NLK: variants seen among roughly 807,000 people sequenced by gnomAD.
NLK encodes the protein serine/threonine-protein kinase NLK.
In NLK, 11 loss-of-function variants were observed where a neutral mutation model predicts 59.0. The ratio of observed to expected loss-of-function variants is 0.19; its 90% CI spans 0.12 to 0.31. The LOEUF is 0.31. Ranked by LOEUF, NLK falls within the 10% of genes least tolerant of loss-of-function variation. The probability of loss-of-function intolerance (pLI) is 1.00; values close to 1 mark genes in which losing one functional copy is unlikely to be tolerated. For missense variants in NLK, 410 were observed against 661.1 expected (o/e 0.62, Z 4.16); for synonymous variants, 235 against 235.9 (o/e 1.00, Z 0.03).
intron 1 of NLK, among the ~76,000 whole-genome samples, chr17:28,093,054 A>T (rs1001377952): frequency 6.6e-6 from 1 of 152,006 alleles, no homozygotes; most frequent in African/African-American, 2.4e-5. Flanking sequence ...TGGCCCCCCA[A>T]AGTGCTGGGA....
In NLK at chr17:28,185,294, T is replaced by A. The variant is rs1356164125; in HGVS notation, c.1236+29T>A. ...AGTAGTGTTTTTTTTTATATATTTT[T>A]AATGAATTACAAATACATGTGTTCG... On this transcript the variant is annotated intron_variant, in intron 8 of 10. Coordinates refer to ENST00000407008, the MANE Select transcript of NLK (RefSeq NM_016231.5). 4.5e-6 allele frequency: 6 copies of A among 1,328,896 alleles called. No homozygotes were observed. In the East Asian group the frequency reaches 1.5e-4, roughly 33 times the overall value. 82.3% of individuals were successfully genotyped at this position (1,328,896 alleles called of 1,614,324 possible).
intron 1 of NLK, among the ~76,000 whole-genome samples, chr17:28,095,505 A>G (rs1904669520): frequency 6.6e-6 from 1 of 152,208 alleles, no homozygotes; most frequent in Non-Finnish European, 1.5e-5. Context: ...TCTCTATCCA[A>G]GTCTCACTTC....
At chr17:28,131,670 A>C (rs1301740289) in intron 2 of NLK, among the ~76,000 whole-genome samples, 3 of 151,452 alleles carry the variant, frequency 2.0e-5, no homozygotes, top group Non-Finnish European at 4.4e-5. Context: ...TTTCCTGTTA[A>C]GTAGTTTCTT....
At chr17:28,093,194 G>A (rs907588946) in intron 1 of NLK, among the ~76,000 whole-genome samples, 1 of 151,990 alleles carries the variant, frequency 6.6e-6, no homozygotes. Flanking sequence ...AGGGAGGAGG[G>A]GATATGCATT....
intron 4 of NLK, among the ~76,000 whole-genome samples, chr17:28,161,616 A>C (rs147418648): frequency 2.9e-4 from 44 of 152,318 alleles, no homozygotes; most frequent in African/African-American, 1.1e-3. Flanking sequence ...TAAAGTGAAA[A>C]GTGACTATAT....
At position 28,168,785 on chromosome 17, in the gene NLK, T is replaced by G. The variant is rs375399736; in HGVS notation, c.1047+128T>G. 1.6e-4 allele frequency: 104 copies of G among 666,716 alleles called. 1 individual carries two copies. The African/African-American group carries it at 1.7e-3, about 11-fold the overall frequency. 41.3% of individuals were successfully genotyped at this position (666,716 alleles called of 1,614,324 possible). A position where few individuals can be genotyped will look rare whatever the true frequency, so the allele number is the denominator to read the frequency against. On this transcript the variant is annotated intron_variant, in intron 6 of 10. Coordinates refer to ENST00000407008, the MANE Select transcript of NLK (RefSeq NM_016231.5). ...TGCTTTTAGGAAATTCAGGTTCACT[T>G]AAAATTCAGAAAGTTATAAAGTTGA... is the stretch of plus-strand genomic sequence containing the variant.
chr17:28,130,930 A>G (rs1189023885), intron 2 of NLK, among the ~76,000 whole-genome samples: 2 of 152,100 alleles, frequency 1.3e-5, no homozygotes, highest in Admixed American at 6.6e-5. Flanking sequence ...GAAAAAAATT[A>G]CTCTTCAAAG....
chr17:28,182,079 A>G (rs191536249), intron 7 of NLK, among the ~76,000 whole-genome samples: 14 of 152,232 alleles, frequency 9.2e-5, no homozygotes, highest in Non-Finnish European at 1.8e-4. Flanking sequence ...AGATGGTCCA[A>G]CCCCCTCATT....
chr17:28,169,810 G>A (rs1400461580), intron 6 of NLK, among the ~76,000 whole-genome samples: 2 of 149,850 alleles, frequency 1.3e-5, no homozygotes, highest in Non-Finnish European at 2.9e-5. Context: ...CTGGCACATA[G>A]TAAGCACTCT....
chr17:28,171,346 A>G (rs1908456793), intron 6 of NLK: 2 of 152,222 alleles, frequency 1.3e-5, no homozygotes, highest in African/African-American at 4.8e-5. Flanking sequence ...TCTCTAGGTA[A>G]GAATTTCCCA....
At chr17:28,151,710 C>T (rs1907487004) in intron 3 of NLK, among the ~76,000 whole-genome samples, 1 of 152,124 alleles carries the variant, frequency 6.6e-6, no homozygotes, top group Non-Finnish European at 1.5e-5. Context: ...TATTTTTTAA[C>T]CCAACCTGTC....
chr17:28,063,564 G>GAT (rs1909736391), intron 1 of NLK, among the ~76,000 whole-genome samples: 1 of 152,034 alleles, frequency 6.6e-6, no homozygotes, highest in Non-Finnish European at 1.5e-5. Context: ...TTTACCATCT[G>GAT]ATAGTTCTTT....
Position 28,061,855 on chromosome 17 carries a change from A to AC in NLK, c.458+18524_458+18525insC, listed in dbSNP as rs1421199175. The AC allele has an allele frequency of 1.9e-3, 280 of 144,222 alleles. 2 individuals are homozygous for AC. The highest frequency in any genetic ancestry group is 6.5e-3 in the African/African-American group (253 of 39,004). 8.9% of individuals were successfully genotyped at this position (144,222 alleles called of 1,614,324 possible). A position where few individuals can be genotyped will look rare whatever the true frequency, so the allele number is the denominator to read the frequency against. On this transcript the variant is annotated intron_variant, in intron 1 of 10. Coordinates refer to ENST00000407008, the MANE Select transcript of NLK (RefSeq NM_016231.5). Reference sequence around the variant, plus strand: ...ATACATATACATATATATAATATATAATATATACATATACATATATATAAT... The same window carrying AC: ...ATACATATACATATATATAATATATACATATATACATATACATATATATAAT...
intron 3 of NLK, among the ~76,000 whole-genome samples, chr17:28,142,368 A>G (rs1449219031): frequency 5.9e-5 from 9 of 152,208 alleles, no homozygotes. Context: ...TTTTAACAAC[A>G]TGACCTTTTA....
At chr17:28,149,695 A>G (rs1597710888) in intron 3 of NLK, among the ~76,000 whole-genome samples, 1 of 152,352 alleles carries the variant, frequency 6.6e-6, no homozygotes, top group East Asian at 1.9e-4. Flanking sequence ...ATGAATAGCC[A>G]TAACAGTGTT....
intron 7 of NLK, among the ~76,000 whole-genome samples, chr17:28,181,777 G>A (rs531135430): frequency 2.0e-5 from 3 of 152,124 alleles, no homozygotes; most frequent in African/African-American, 4.8e-5. Flanking sequence ...TTGGGAGGCC[G>A]AGGAGGGCCA....
At chr17:28,160,421 A>C (rs1451623973) in intron 3 of NLK, among the ~76,000 whole-genome samples, 1 of 152,104 alleles carries the variant, frequency 6.6e-6, no homozygotes, top group African/African-American at 2.4e-5. Context: ...GATTTACCAT[A>C]CTTTTGCTTC....
At chr17:28,086,177 C>T (rs758924455) in intron 1 of NLK, among the ~76,000 whole-genome samples, 3 of 152,092 alleles carry the variant, frequency 2.0e-5, no homozygotes, top group East Asian at 1.9e-4. Context: ...TCAAAAGATA[C>T]GAAAGGATTT....
Position 28,111,902 on chromosome 17 carries a change from T to TGTG in NLK, c.459-10700_459-10698dup, listed in dbSNP as rs1905528668. On this transcript the variant is annotated intron_variant, in intron 1 of 10. Coordinates refer to ENST00000407008, the MANE Select transcript of NLK (RefSeq NM_016231.5). ...TGTGTGTGTGTGTGTGTGTGGTGTG[T>TGTG]GTGTGTGTGTGTGTGTGTGTGTGTG... is the stretch of plus-strand genomic sequence containing the variant. 1.9e-4 allele frequency among the ~76,000 whole-genome samples: 18 copies of TGTG among 96,358 alleles called. No individual in the cohort carries two copies. The South Asian group carries it at 4.3e-3, about 23-fold the overall frequency. The allele number at this position is 96,358 out of a possible 152,430, so 63.2% of individuals were successfully genotyped here.
Sources: allele counts gnomAD v4.1 joint callset (sites outside exome capture counted in the v4.1 genomes callset), GRCh38; gene constraint gnomAD v4.1.1; transcripts MANE v1.5; gene names NCBI Gene and HGNC (gene_info 2026-07-23, HGNC 2026-07-21).